BTBD7: variants seen among roughly 807,000 people sequenced by gnomAD.
BTBD7 encodes BTB/POZ domain-containing protein 7.
A neutral mutation model predicts 99.9 loss-of-function variants in BTBD7; 38 were observed. The observed-to-expected ratio is 0.38, with a 90% CI of 0.29 to 0.50. The LOEUF (loss-of-function observed/expected upper bound fraction) is 0.50, where lower values mean the gene tolerates loss of function less well. BTBD7 is among the 20% of genes least tolerant of loss of function. The pLI, the probability that BTBD7 is intolerant of heterozygous loss-of-function variation, is 0.93. For synonymous variants in BTBD7, 520 were observed against 511.4 expected, an observed-to-expected ratio of 1.02 and a Z score of -0.23; for missense variants, 1,170 against 1,394.6, an observed-to-expected ratio of 0.84 and a Z score of 2.57.
chr14:93,331,378 C>G (rs1229337740), intron 1 of BTBD7, among the ~76,000 whole-genome samples: 1 of 152,210 alleles, frequency 6.6e-6, no homozygotes, highest in East Asian at 1.9e-4. Context: ...CTCTCTGGGT[C>G]TGGTTTCCCG....
At chr14:93,257,485 T>C (rs1250718954) in intron 5 of BTBD7, 130 bp from the exon 6 acceptor site, 4 of 742,380 alleles carry the variant, frequency 5.4e-6, no homozygotes, top group Non-Finnish European at 6.1e-6. Flanking sequence ...AAAAGGGTTA[T>C]AAATCAATTA....
Position 93,239,450 on chromosome 14 carries a change from CTT to C in BTBD7, c.*2821_*2822del, listed in dbSNP as rs562052567. 1.4e-5 allele frequency: 2 copies of C among 142,144 alleles called. No homozygotes were observed. 8.8% of individuals were successfully genotyped at this position (142,144 alleles called of 1,614,324 possible). On this transcript the variant is annotated 3_prime_UTR_variant, in exon 11 of 11. Coordinates refer to ENST00000334746, the MANE Select transcript of BTBD7 (RefSeq NM_001002860.4). ...AAATTTTATTTTATATATATATATG[CTT>C]TTTTTTTTTTTCTGAGAGCAACCTT...
rs967529421 is a variant in BTBD7 at position 93,238,043 on chromosome 14, C to T, written c.*4230G>A. ...CCCATCGAAGAGCAGGACTTGGTAC[C>T]GCCTGCCCATGTAACCCAGATACAG... is the stretch of plus-strand genomic sequence containing the variant. On this transcript the variant is annotated 3_prime_UTR_variant, in exon 11 of 11. Coordinates refer to ENST00000334746, the MANE Select transcript of BTBD7 (RefSeq NM_001002860.4). The T allele has an allele frequency of 2.0e-5, 3 of 152,356 alleles. No homozygotes were observed. Among genetic ancestry groups the T allele is most frequent in the East Asian group, 1.9e-4 (1 of 5,194 alleles). 9.4% of individuals were successfully genotyped at this position (152,356 alleles called of 1,614,324 possible). A position where few individuals can be genotyped will look rare whatever the true frequency, so the allele number is the denominator to read the frequency against.
intron 1 of BTBD7, among the ~76,000 whole-genome samples, chr14:93,321,114 G>A (rs180686627): frequency 6.2e-4 from 95 of 152,288 alleles, no homozygotes; most frequent in African/African-American, 2.1e-3. Flanking sequence ...TGTATAATAA[G>A]TAGGCATGAA....
At chr14:93,296,523 C>T (rs1382381660) in intron 1 of BTBD7, among the ~76,000 whole-genome samples, 3 of 152,162 alleles carry the variant, frequency 2.0e-5, no homozygotes, top group Non-Finnish European at 4.4e-5. Flanking sequence ...TATTATCTAA[C>T]ATTGTAAGCA....
In BTBD7 at chr14:93,246,300, A is replaced by G. The variant is rs1277554838; in HGVS notation, c.2122-14T>C. ...TTTGTGAGGATTCTAAAAAAGATTA[A>G]AAAAAAAAAAAAAGGACATTTATTA... On this transcript the variant is annotated splice_polypyrimidine_tract_variant and intron_variant, in intron 9 of 10. Coordinates refer to ENST00000334746, the MANE Select transcript of BTBD7 (RefSeq NM_001002860.4). 9 of 332,938 alleles carry G rather than the reference A, an allele frequency of 2.7e-5. No individual in the cohort carries two copies. Among genetic ancestry groups the G allele is most frequent in the Middle Eastern group, 6.7e-4 (1 of 1,496 alleles). 20.6% of individuals were successfully genotyped at this position (332,938 alleles called of 1,614,324 possible). A position where few individuals can be genotyped will look rare whatever the true frequency, so the allele number is the denominator to read the frequency against.
chr14:93,311,603 A>C (rs1442823979), intron 1 of BTBD7, among the ~76,000 whole-genome samples: 1 of 152,114 alleles, frequency 6.6e-6, no homozygotes, highest in Admixed American at 6.6e-5. Context: ...TCATTATCTT[A>C]TATCATTTCT....
intron 3 of BTBD7, among the ~76,000 whole-genome samples, chr14:93,284,627 TG>T (rs1468325434): frequency 2.0e-5 from 3 of 152,018 alleles, no homozygotes; most frequent in Non-Finnish European, 4.4e-5. Flanking sequence ...ATACACTAGG[TG>T]ACAGAGGAAA....
intron 3 of BTBD7, among the ~76,000 whole-genome samples, chr14:93,289,216 C>T (rs12433927): frequency 0.083 from 12,579 of 152,114 alleles, 556 homozygotes; most frequent in Middle Eastern, 0.13. Flanking sequence ...AAGAGTGGCA[C>T]AAATCAGGAA....
intron 3 of BTBD7, among the ~76,000 whole-genome samples, chr14:93,277,504 T>A (rs941821276): frequency 2.6e-5 from 4 of 152,154 alleles, no homozygotes; most frequent in African/African-American, 9.7e-5. Flanking sequence ...ACAGAAAGGA[T>A]ATACCACTAG....
At chr14:93,251,409 CA>C in intron 8 of BTBD7, 53 bp downstream of exon 8, 5 of 1,491,346 alleles carry the variant, frequency 3.4e-6, no homozygotes, top group Non-Finnish European at 2.7e-6. Context: ...TCAGCAATTT[CA>C]AAAAAACAAT....
chr14:93,244,677 A>C (rs2052282122), intron 10 of BTBD7, among the ~76,000 whole-genome samples: 1 of 151,950 alleles, frequency 6.6e-6, no homozygotes. Context: ...AAATGAATAA[A>C]TAAATAAAAT....
At chr14:93,275,878 C>A (rs954951782) in intron 3 of BTBD7, among the ~76,000 whole-genome samples, 1 of 152,116 alleles carries the variant, frequency 6.6e-6, no homozygotes, top group Non-Finnish European at 1.5e-5. Context: ...GGTACATGAC[C>A]ATTTATCCAC....
intron 3 of BTBD7, among the ~76,000 whole-genome samples, chr14:93,268,597 T>C (rs928010816): frequency 6.6e-6 from 1 of 152,078 alleles, no homozygotes; most frequent in African/African-American, 2.4e-5. Flanking sequence ...TTACTATTAT[T>C]ATCATCCCCA....
At chr14:93,248,697 C>T (rs1354667407) in intron 8 of BTBD7, 43 bp from the exon 9 acceptor site, 4 of 1,519,308 alleles carry the variant, frequency 2.6e-6, no homozygotes, top group Non-Finnish European at 3.5e-6. Context: ...TCCTGAGCTA[C>T]ACAAAAGACG....
At chr14:93,273,970 C>T (rs2052627917) in intron 3 of BTBD7, among the ~76,000 whole-genome samples, 1 of 152,164 alleles carries the variant, frequency 6.6e-6, no homozygotes, top group South Asian at 2.1e-4. Context: ...TCATTCAGAA[C>T]CCAGGGGATT....
At chr14:93,290,505 C>T (rs1399136290) in intron 3 of BTBD7, among the ~76,000 whole-genome samples, 23 of 138,494 alleles carry the variant, frequency 1.7e-4, no homozygotes, top group African/African-American at 5.4e-4. Flanking sequence ...ACCCACTGCA[C>T]TTGGCCTTTT....
chr14:93,323,627 TG>T (rs2053294549), intron 1 of BTBD7, among the ~76,000 whole-genome samples: 1 of 152,236 alleles, frequency 6.6e-6, no homozygotes, highest in Non-Finnish European at 1.5e-5. Context: ...GAATCCCAGA[TG>T]AAACAGAGCT....
chr14:93,311,906 T>C (rs1323498839), intron 1 of BTBD7, among the ~76,000 whole-genome samples: 1 of 147,518 alleles, frequency 6.8e-6, no homozygotes, highest in Non-Finnish European at 1.5e-5. Context: ...TTTTTAGTCA[T>C]TGCATTTTTA....
Sources: allele counts gnomAD v4.1 joint callset (sites outside exome capture counted in the v4.1 genomes callset), GRCh38; gene constraint gnomAD v4.1.1; transcripts MANE v1.5; gene names NCBI Gene and HGNC (gene_info 2026-07-23, HGNC 2026-07-21).